The following VPS13B variants were observed in gnomAD, a reference collection of about 807,000 sequenced individuals.
VPS13B encodes vacuolar protein sorting 13 homolog B, also known as intermembrane lipid transfer protein VPS13B.
A neutral mutation model predicts 426.4 loss-of-function variants in VPS13B; 285 were observed. That is an observed-to-expected ratio of 0.67 (90% CI 0.61 to 0.74). The LOEUF is 0.74. VPS13B is among the 30% of genes least tolerant of loss of function. The pLI, the probability that VPS13B is intolerant of heterozygous loss-of-function variation, is 0.00. For missense variants in VPS13B, 4,537 were observed against 4,782.6 expected (o/e 0.95, Z 1.51); for synonymous variants, 1,676 against 1,676.4 (o/e 1.00, Z 0.01).
chr8:99,257,685 T>G (rs1817827852), intron 17 of VPS13B, among the ~76,000 whole-genome samples: 1 of 152,180 alleles, frequency 6.6e-6, no homozygotes, highest in African/African-American at 2.4e-5. Context: ...TTTAAAAATC[T>G]TTACTGATTT....
At chr8:99,311,722 C>T (rs1456360169) in intron 19 of VPS13B, among the ~76,000 whole-genome samples, 1 of 152,048 alleles carries the variant, frequency 6.6e-6, no homozygotes, top group Non-Finnish European at 1.5e-5. Context: ...TCCTGGATAT[C>T]CTTGTTAACT....
At chr8:99,793,621 A>T (rs1812670319) in intron 43 of VPS13B, among the ~76,000 whole-genome samples, 1 of 152,164 alleles carries the variant, frequency 6.6e-6, no homozygotes, top group Non-Finnish European at 1.5e-5. Flanking sequence ...TTTCAGACTT[A>T]GGTGATGTGT....
chr8:99,499,788 G>A (rs1276465771), intron 25 of VPS13B, among the ~76,000 whole-genome samples: 1 of 152,114 alleles, frequency 6.6e-6, no homozygotes, highest in Admixed American at 6.5e-5. Flanking sequence ...ACTGTCTTCA[G>A]GTTTAACTCT....
At chr8:99,129,733 T>C (rs1809667576) in intron 8 of VPS13B, among the ~76,000 whole-genome samples, 1 of 152,142 alleles carries the variant, frequency 6.6e-6, no homozygotes, top group African/African-American at 2.4e-5. Context: ...TCCTGTTTAG[T>C]TTTAAATTTG....
At chr8:99,446,946 A>G (rs1817949573) in intron 23 of VPS13B, among the ~76,000 whole-genome samples, 1 of 152,170 alleles carries the variant, frequency 6.6e-6, no homozygotes, top group Non-Finnish European at 1.5e-5. Flanking sequence ...TTAAAATTTT[A>G]CATAGGATAT....
At chr8:99,472,018 A>C (rs1189661905) in intron 24 of VPS13B, among the ~76,000 whole-genome samples, 2 of 152,196 alleles carry the variant, frequency 1.3e-5, no homozygotes, top group African/African-American at 4.8e-5. Flanking sequence ...CCATACAAAC[A>C]GTCAGCATAA....
intron 19 of VPS13B, among the ~76,000 whole-genome samples, chr8:99,362,336 G>T (rs1588293435): frequency 1.3e-5 from 2 of 151,760 alleles, no homozygotes; most frequent in African/African-American, 2.4e-5. Flanking sequence ...TAGAGCCCGG[G>T]TTTCACTGTG....
intron 58 of VPS13B, among the ~76,000 whole-genome samples, chr8:99,863,684 A>G (rs1816951534): frequency 6.6e-6 from 1 of 152,198 alleles, no homozygotes; most frequent in Non-Finnish European, 1.5e-5. Context: ...TGATGAGGTC[A>G]TCTTTCTGGG....
chr8:99,431,566 G>T lies in VPS13B; in HGVS notation c.3112G>T (p.Ala1038Ser), dbSNP rs1463614831. 1.2e-6 allele frequency: 2 copies of T among 1,613,434 alleles called. No homozygotes were observed. The highest frequency in any genetic ancestry group is 1.7e-6 in the Non-Finnish European group (2 of 1,179,736). ...CCGCCCATTGTCAGTTCCTGTTAAA[G>T]CCATGTTGAATATATCTGAAAGCTG... ...ESRPLSVPVK[A>S]MLNISESCRS... Residue 1038 changes from alanine (A) to serine (S), a missense_variant, in exon 22 of 62, where the codon GCC becomes TCC. Ala to Ser is a moderately conservative substitution (Grantham distance 99). Around this residue, in one of 2 missense-constraint regions of VPS13B, gnomAD observed 4,311 missense variants for 4,474.3 expected, o/e 0.96. Transcript: ENST00000357162.
chr8:99,608,978 C>A (rs1311572637), intron 33 of VPS13B, among the ~76,000 whole-genome samples: 3 of 152,010 alleles, frequency 2.0e-5, no homozygotes, highest in Admixed American at 2.0e-4. Context: ...CATTCATGTG[C>A]ATGTTTTTGT....
chr8:99,527,967 A>T (rs1041532385), intron 30 of VPS13B: 3 of 152,098 alleles, frequency 2.0e-5, no homozygotes, highest in African/African-American at 7.2e-5. Flanking sequence ...TCTCTTATAT[A>T]AATGACATAT....
intron 43 of VPS13B, among the ~76,000 whole-genome samples, chr8:99,806,875 C>T (rs1247155884): frequency 6.6e-6 from 1 of 152,182 alleles, no homozygotes; most frequent in African/African-American, 2.4e-5. Context: ...ATCCAGTGCT[C>T]AAATCCAGTG....
At chr8:99,173,405 A>T (rs1420404411) in intron 16 of VPS13B, among the ~76,000 whole-genome samples, 1 of 152,156 alleles carries the variant, frequency 6.6e-6, no homozygotes, top group African/African-American at 2.4e-5. Context: ...AGTCTAAAAA[A>T]AATTGCCAGT....
intron 3 of VPS13B, among the ~76,000 whole-genome samples, chr8:99,050,436 G>A (rs1300431887): frequency 6.6e-6 from 1 of 152,144 alleles, no homozygotes; most frequent in African/African-American, 2.4e-5. Context: ...GTCTATCATT[G>A]TTGGACATGT....
At chr8:99,112,401 A>G (rs1173450212) in intron 6 of VPS13B, among the ~76,000 whole-genome samples, 2 of 152,194 alleles carry the variant, frequency 1.3e-5, no homozygotes, top group Non-Finnish European at 1.5e-5. Flanking sequence ...TATTAAAAAT[A>G]TAGTATTTTC....
chr8:99,779,166 T>C, intron 42 of VPS13B, 135 bp downstream of exon 42: 2 of 895,600 alleles, frequency 2.2e-6, no homozygotes, highest in Non-Finnish European at 1.8e-6. Flanking sequence ...GGCACCATTA[T>C]ACTTGAGGCC....
chr8:99,512,584 A>AT (rs2133640992), intron 29 of VPS13B, among the ~76,000 whole-genome samples: 1 of 152,292 alleles, frequency 6.6e-6, no homozygotes, highest in South Asian at 2.1e-4. Context: ...GATTGGGGAG[A>AT]TTGTCAAACT....
intron 36 of VPS13B, among the ~76,000 whole-genome samples, chr8:99,705,098 C>G (rs1242778798): frequency 6.6e-6 from 1 of 152,058 alleles, no homozygotes; most frequent in Non-Finnish European, 1.5e-5. Flanking sequence ...CCTCCTATTA[C>G]TTTATAACAA....
intron 23 of VPS13B, 79 bp downstream of exon 23, chr8:99,442,714 A>C (rs1817734369): frequency 7.2e-7 from 1 of 1,392,210 alleles, no homozygotes; most frequent in Non-Finnish European, 1.0e-6. Flanking sequence ...TAAATGTGTC[A>C]GTGTATAAGC....
Sources: gnomAD v4.1 joint callset for allele counts (sites outside exome capture counted in the v4.1 genomes callset) on GRCh38, gnomAD v4.1.1 for gene constraint, gnomAD v4.1.1 regional missense constraint, MANE v1.5 for transcripts, NCBI Gene and HGNC (gene_info 2026-07-23, HGNC 2026-07-21) for gene names.